The following MYO1H variants were observed in gnomAD, a reference collection of about 807,000 sequenced individuals.
MYO1H encodes the protein myosin IH.
Under a neutral mutation model 149.3 loss-of-function variants are expected in MYO1H, and 118 were observed. The observed-to-expected ratio is 0.79, with a 90% confidence interval of 0.68 to 0.92. The LOEUF is 0.92. MYO1H is among the 40% of genes least tolerant of loss of function. MYO1H has a pLI of 0.00. For missense variants in MYO1H, 1,212 were observed against 1,280.7 expected, an observed-to-expected ratio of 0.95 and a Z score of 0.82; for synonymous variants, 447 against 465.2, an observed-to-expected ratio of 0.96 and a Z score of 0.50.
chr12:109,418,946 AAG>A (rs1490493835), intron 15 of MYO1H, among the ~76,000 whole-genome samples: 1 of 152,222 alleles, frequency 6.6e-6, no homozygotes, highest in Admixed American at 6.5e-5. Context: ...AAGTGACAAA[AAG>A]AAAAAATTTT....
At chr12:109,325,112 G>C in the MYO1H span, among the ~76,000 whole-genome samples, 6 of 152,102 alleles carry the variant, frequency 3.9e-5, no homozygotes, top group Non-Finnish European at 5.9e-5. Flanking sequence ...TCTTTATCTA[G>C]TCTATCATTG....
intron 24 of MYO1H, among the ~76,000 whole-genome samples, chr12:109,440,356 T>C (rs972628249): frequency 3.9e-5 from 6 of 152,068 alleles, no homozygotes; most frequent in Admixed American, 3.9e-4. Context: ...TTTCGAATCA[T>C]TTCTATTCCT....
At chr12:109,351,612 T>C (rs989794481) in intron 1 of MYO1H, among the ~76,000 whole-genome samples, 1 of 152,234 alleles carries the variant, frequency 6.6e-6, no homozygotes, top group Non-Finnish European at 1.5e-5. Flanking sequence ...TATAATGCCT[T>C]GCACACAGTA....
chr12:109,403,032 A>C (rs1203409386), intron 6 of MYO1H, among the ~76,000 whole-genome samples: 1 of 152,176 alleles, frequency 6.6e-6, no homozygotes, highest in Non-Finnish European at 1.5e-5. Flanking sequence ...ATCTCTCATA[A>C]CTTTGGTAAA....
At position 109,427,356 on chromosome 12, in the gene MYO1H, A is replaced by G; in HGVS notation, c.1832-113A>G. On this transcript the variant is annotated intron_variant, in intron 18 of 31. Coordinates refer to ENST00000310903, the Ensembl canonical transcript of MYO1H. The stretch of plus-strand genomic sequence containing the variant: ...AAAAAAATTAAGACCTCACGAAATG[A>G]GTCTGGGGCCAGACCCAGCCCACTG... 3 of 618,454 alleles carry G rather than the reference A, an allele frequency of 4.9e-6. No homozygotes were observed. The South Asian group carries it at 6.2e-5, about 13-fold the overall frequency. 38.3% of individuals were successfully genotyped at this position (618,454 alleles called of 1,614,324 possible). A position where few individuals can be genotyped will look rare whatever the true frequency, so the allele number is the denominator to read the frequency against.
chr12:109,363,634 C>A (rs574424727), intron 1 of MYO1H, among the ~76,000 whole-genome samples: 38 of 151,304 alleles, frequency 2.5e-4, no homozygotes, highest in African/African-American at 9.2e-4. Flanking sequence ...ATCGCTTGAA[C>A]CCAGGAGGCA....
intron 1 of MYO1H, among the ~76,000 whole-genome samples, chr12:109,374,480 A>G (rs1298314021): frequency 6.6e-6 from 1 of 152,208 alleles, no homozygotes; most frequent in African/African-American, 2.4e-5. Flanking sequence ...TGTTTGTGGT[A>G]TGACTATACC....
intron 14 of MYO1H, 107 bp downstream of exon 14, chr12:109,412,092 A>C (rs1241759570): frequency 2.4e-5 from 17 of 713,446 alleles, no homozygotes; most frequent in Non-Finnish European, 3.4e-5. Context: ...TTCATACATA[A>C]AAATATCTTT....
At chr12:109,405,085 T>C (rs1870320083) in intron 7 of MYO1H, among the ~76,000 whole-genome samples, 1 of 151,640 alleles carries the variant, frequency 6.6e-6, no homozygotes, top group East Asian at 1.9e-4. Flanking sequence ...TGGTGGTGCA[T>C]GCCTGTAGTC....
intron 1 of MYO1H, among the ~76,000 whole-genome samples, chr12:109,350,255 G>T (rs1183943589): frequency 6.6e-6 from 1 of 152,080 alleles, no homozygotes; most frequent in Non-Finnish European, 1.5e-5. Context: ...GGGTTGTAGG[G>T]AATCCATAAA....
Position 109,432,924 on chromosome 12 carries a change from G to A in MYO1H, c.1977G>A (p.Trp659Ter). Residue 659 changes from tryptophan to a stop codon, truncating the protein, a stop_gained, in exon 20 of 32, where the codon TGG becomes TGA. Transcript: ENST00000310903. LOFTEE classifies it high-confidence loss of function. ...ACAAGTCCTTATGCCCAGACACCTG[G>A]CCGCACTGGCACGGGCCTCCAGCAG... 1 of 1,613,994 alleles carries A rather than the reference G, an allele frequency of 6.2e-7. No homozygotes were observed. Among genetic ancestry groups the A allele is most frequent in the Non-Finnish European group, 8.5e-7 (1 of 1,179,898 alleles).
intron 1 of MYO1H, among the ~76,000 whole-genome samples, 188 bp downstream of exon 1, chr12:109,348,160 T>C (rs1868376140): frequency 6.6e-6 from 1 of 152,238 alleles, no homozygotes; most frequent in African/African-American, 2.4e-5. Context: ...CTCCCTTCTG[T>C]TGCTGGGGGC....
At chr12:109,364,171 T>TAA (rs746308903) in intron 1 of MYO1H, among the ~76,000 whole-genome samples, 1,583 of 90,256 alleles carry the variant, frequency 0.018, 27 homozygotes, top group Middle Eastern at 0.036. Context: ...ACCATGTCTT[T>TAA]AAAAAAAAAA....
At chr12:109,363,998 A>G (rs11611957) in intron 1 of MYO1H, among the ~76,000 whole-genome samples, 71,358 of 151,186 alleles carry the variant, frequency 0.47, 17,258 homozygotes, top group African/African-American at 0.55. Flanking sequence ...TTTGGAGTTT[A>G]AGACCAGCTT....
intron 30 of MYO1H, 25 bp from the exon 31 acceptor site, chr12:109,445,488 A>G: frequency 6.5e-7 from 1 of 1,528,970 alleles, no homozygotes; most frequent in Non-Finnish European, 9.0e-7. Flanking sequence ...GTATGTCAGT[A>G]ATGTGTCACT....
chr12:109,442,713 C>T (rs913757368), intron 27 of MYO1H, among the ~76,000 whole-genome samples: 35 of 149,534 alleles, frequency 2.3e-4, no homozygotes, highest in African/African-American at 8.3e-4. Context: ...ATGAATGAGT[C>T]GGTGGGCGAG....
the MYO1H span, among the ~76,000 whole-genome samples, chr12:109,335,174 CTGAG>C: frequency 1.3e-5 from 2 of 152,068 alleles, no homozygotes; most frequent in Non-Finnish European, 2.9e-5. Flanking sequence ...TGATGAAAAT[CTGAG>C]TGGTTTCTGA....
chr12:109,334,409 C>T, the MYO1H span, among the ~76,000 whole-genome samples: 1 of 152,210 alleles, frequency 6.6e-6, no homozygotes, highest in African/African-American at 2.4e-5. Flanking sequence ...CTCCTGGCCT[C>T]ATGCAGTCCT....
Position 109,407,698 on chromosome 12 carries a change from A to C in MYO1H, c.1036-96A>C, listed in dbSNP as rs1237376920. 3.0e-6 allele frequency: 4 copies of C among 1,333,192 alleles called. No homozygotes were observed. The African/African-American group carries it at 4.5e-5, about 15-fold the overall frequency. The allele number at this position is 1,333,192 out of a possible 1,614,324, so 82.6% of individuals were successfully genotyped here. A position where few individuals can be genotyped will look rare whatever the true frequency, so the allele number is the denominator to read the frequency against. ...GGGCAGCAGAGCGAGACCCTGTCTC[A>C]TTATTTTATTTTTTTTTTAAGAAAA... On this transcript the variant is annotated intron_variant, in intron 9 of 31. Transcript: ENST00000310903.
Sources: allele counts gnomAD v4.1 joint callset (sites outside exome capture counted in the v4.1 genomes callset), GRCh38; gene constraint gnomAD v4.1.1; transcripts MANE v1.5; gene names NCBI Gene and HGNC (gene_info 2026-07-23, HGNC 2026-07-21).